Variants in AXDND1 observed in about 807,000 individuals in gnomAD.
The protein encoded by AXDND1 is axonemal dynein light chain domain containing 1.
In AXDND1, 110 loss-of-function variants were observed where a neutral mutation model predicts 137.5. The observed-to-expected ratio is 0.80, with a 90% CI of 0.69 to 0.94. The LOEUF (loss-of-function observed/expected upper bound fraction) is 0.94, where lower values mean the gene tolerates loss of function less well. AXDND1 is among the 40% of genes least tolerant of loss of function. AXDND1 has a pLI of 0.00. For synonymous variants in AXDND1, 414 were observed against 399.7 expected (o/e 1.04, Z -0.43); for missense variants, 1,191 against 1,169.8 (o/e 1.02, Z -0.26).
intron 6 of AXDND1, among the ~76,000 whole-genome samples, chr1:179,380,812 C>T (rs965137326): frequency 6.6e-6 from 1 of 152,002 alleles, no homozygotes; most frequent in Admixed American, 6.6e-5. Context: ...TAATTTCAGA[C>T]ATAAAAATGT....
At chr1:179,477,216 T>A (rs895736643) in intron 17 of AXDND1, among the ~76,000 whole-genome samples, 1 of 152,228 alleles carries the variant, frequency 6.6e-6, no homozygotes, top group Non-Finnish European at 1.5e-5. Context: ...ATTTTTAATT[T>A]CTATTCTCTT....
intron 17 of AXDND1, among the ~76,000 whole-genome samples, chr1:179,481,867 A>C (rs1430251454): frequency 6.6e-6 from 1 of 152,164 alleles, no homozygotes; most frequent in Non-Finnish European, 1.5e-5. Flanking sequence ...ATAATTCCTG[A>C]GATCAGTGTT....
chr1:179,462,022 T>A (rs1485328595), intron 16 of AXDND1, among the ~76,000 whole-genome samples: 1 of 152,200 alleles, frequency 6.6e-6, no homozygotes, highest in Non-Finnish European at 1.5e-5. Context: ...CTTTTCCTAA[T>A]TGAATACCCT....
intron 16 of AXDND1, among the ~76,000 whole-genome samples, chr1:179,457,690 T>G (rs1435390268): frequency 3.3e-5 from 5 of 152,192 alleles, no homozygotes; most frequent in Non-Finnish European, 7.3e-5. Context: ...AAAAGCTGAA[T>G]TTTTGCTTGT....
At chr1:179,433,951 G>A (rs1657764117) in intron 15 of AXDND1, among the ~76,000 whole-genome samples, 1 of 123,976 alleles carries the variant, frequency 8.1e-6, no homozygotes, top group Non-Finnish European at 1.7e-5. Flanking sequence ...TATTGACAGT[G>A]GGGTGTTAAA....
At chr1:179,459,815 CCT>C (rs1456537404) in intron 16 of AXDND1, among the ~76,000 whole-genome samples, 2 of 139,370 alleles carry the variant, frequency 1.4e-5, no homozygotes, top group Admixed American at 1.5e-4. Flanking sequence ...TTCCTTCCTT[CCT>C]TCTCTTTTTC....
At chr1:179,543,661 AAGG>A (rs1672376389) in intron 25 of AXDND1, 1 of 152,118 alleles carries the variant, frequency 6.6e-6, no homozygotes, top group East Asian at 1.9e-4. Flanking sequence ...TACAAGAGGG[AAGG>A]AGGAGATGTT....
chr1:179,379,621 C>A, intron 6 of AXDND1, 139 bp downstream of exon 6: 2 of 1,113,288 alleles, frequency 1.8e-6, no homozygotes, highest in Non-Finnish European at 2.4e-6. Flanking sequence ...TGGTGAAAGT[C>A]CGTCTCTACA....
rs1410592 is a variant in AXDND1, at chr1:179,551,371, G to T, written c.3032-3141G>T. 1.2e-6 allele frequency: 2 copies of T among 1,613,828 alleles called. No individual in the cohort carries two copies. The highest frequency in any genetic ancestry group is 2.2e-5 in the South Asian group (2 of 91,066). ...GGGTGTGGAGGTATCGAAGCTGAAC[G>T]GCAGCAGGGGTGCCTGACAGAATCT... On this transcript the variant is annotated intron_variant, in intron 25 of 25. Transcript: ENST00000367618.
At chr1:179,448,365 A>G (rs1188926471) in intron 16 of AXDND1, 2 of 673,906 alleles carry the variant, frequency 3.0e-6, no homozygotes, top group East Asian at 2.8e-5. Flanking sequence ...ATTAATCCAA[A>G]CTCTCTCTTT....
chr1:179,532,113 C>G (rs1355027663), intron 23 of AXDND1, among the ~76,000 whole-genome samples: 4 of 152,146 alleles, frequency 2.6e-5, no homozygotes, highest in Non-Finnish European at 1.5e-5. Context: ...TGGGAATGTC[C>G]AAAATGTCAT....
intron 17 of AXDND1, among the ~76,000 whole-genome samples, chr1:179,473,120 T>C: frequency 6.6e-6 from 1 of 152,200 alleles, no homozygotes; most frequent in Middle Eastern, 3.2e-3. Context: ...GAATACTTTC[T>C]AATGTAGAAT....
intron 25 of AXDND1, chr1:179,546,112 C>G (rs1199190979): frequency 6.6e-6 from 1 of 152,094 alleles, no homozygotes; most frequent in Non-Finnish European, 1.5e-5. Flanking sequence ...CTCAAAGTCC[C>G]AAGAGAGAGA....
At chr1:179,483,074 C>T in intron 17 of AXDND1, 54 bp from the exon 18 acceptor site, 2 of 1,218,444 alleles carry the variant, frequency 1.6e-6, no homozygotes, top group Non-Finnish European at 2.3e-6. Flanking sequence ...CTGATAGTTA[C>T]ATTTATCCTT....
intron 9 of AXDND1, among the ~76,000 whole-genome samples, chr1:179,391,592 A>C (rs186001293): frequency 1.2e-3 from 180 of 152,158 alleles, no homozygotes; most frequent in African/African-American, 4.2e-3. Context: ...GCTGTAGTGC[A>C]GTGGCGCAAT....
chr1:179,552,258 C>CTAGAAGT, intron 25 of AXDND1: 2 of 368,400 alleles, frequency 5.4e-6, no homozygotes, highest in South Asian at 2.4e-5. Flanking sequence ...TAGGGGATAC[C>CTAGAAGT]TAGAAGTTAG....
chr1:179,523,456 A>G (rs1670257957), intron 21 of AXDND1, among the ~76,000 whole-genome samples: 1 of 152,170 alleles, frequency 6.6e-6, no homozygotes, highest in Admixed American at 6.5e-5. Flanking sequence ...ACAAAGTTGT[A>G]CAGTGATAAT....
chr1:179,552,416 G>C, intron 25 of AXDND1: 1 of 636,516 alleles, frequency 1.6e-6, no homozygotes, highest in Admixed American at 2.2e-5. Flanking sequence ...TTCAGAGAGG[G>C]AGAGGAGTTG....
intron 16 of AXDND1, among the ~76,000 whole-genome samples, chr1:179,466,714 A>T (rs1571960638): frequency 6.6e-6 from 1 of 152,222 alleles, no homozygotes; most frequent in East Asian, 1.9e-4. Flanking sequence ...CTTGGTTTTG[A>T]GTCCATTCTT....
Sources: allele counts gnomAD v4.1 joint callset (sites outside exome capture counted in the v4.1 genomes callset), GRCh38; gene constraint gnomAD v4.1.1; transcripts MANE v1.5; gene names NCBI Gene and HGNC (gene_info 2026-07-23, HGNC 2026-07-21).